The following P3H2 variants were observed in gnomAD, a reference collection of about 807,000 sequenced individuals.
P3H2 encodes the protein prolyl 3-hydroxylase 2.
P3H2 carries 80 observed loss-of-function variants against 87.0 expected under a neutral mutation model. The ratio of observed to expected loss-of-function variants is 0.92; its 90% CI spans 0.77 to 1.11. The LOEUF is 1.11. Ranked by LOEUF, P3H2 falls within the 50% of genes least tolerant of loss-of-function variation. The probability of loss-of-function intolerance (pLI) is 0.00; values close to 1 mark genes in which losing one functional copy is unlikely to be tolerated. For synonymous variants in P3H2, 367 were observed against 359.3 expected, an observed-to-expected ratio of 1.02 and a Z score of -0.24; for missense variants, 1,001 against 923.9, an observed-to-expected ratio of 1.08 and a Z score of -1.08.
At position 189,957,441 on chromosome 3, in the gene P3H2, TTGTGTG is replaced by T. The variant is rs3062107; in HGVS notation, c.*465_*470del. On this transcript the variant is annotated 3_prime_UTR_variant, in exon 15 of 15. Coordinates refer to ENST00000319332, the MANE Select transcript of P3H2 (RefSeq NM_018192.4). ...AGCTTTTGAATTTGCAGCAACTTAA[TTGTGTG>T]TGTGTGTGTGTGTGTGTGTGTGTGT... 98,296 of 256,940 alleles carry T rather than the reference TTGTGTG, an allele frequency of 0.38. 15,405 individuals carry two copies. The highest frequency in any genetic ancestry group is 0.43 in the Non-Finnish European group (60,202 of 140,116). The allele number at this position is 256,940 out of a possible 1,614,324, so 15.9% of individuals were successfully genotyped here.
At chr3:190,009,444 C>T (rs1671051099) in intron 1 of P3H2, among the ~76,000 whole-genome samples, 1 of 152,160 alleles carries the variant, frequency 6.6e-6, no homozygotes, top group South Asian at 2.1e-4. Flanking sequence ...GTATACCCTA[C>T]TCCTTCCAAC....
At position 190,024,745 on chromosome 3, in the gene P3H2, C is replaced by A. The variant is rs188116993; in HGVS notation, c.481-29303G>T. 2.8e-3 allele frequency among the ~76,000 whole-genome samples: 419 copies of A among 151,806 alleles called. 1 individual carries two copies. Among genetic ancestry groups the A allele is most frequent in the South Asian group, 0.018 (86 of 4,794 alleles). ...GCTAGCAGAAGAAAACTCTATCGTC[C>A]CCAATATAAAAGAAAGACTGAGAAT... is the stretch of plus-strand genomic sequence containing the variant. On this transcript the variant is annotated intron_variant, in intron 1 of 14. Transcript: ENST00000319332.
At chr3:189,985,435 T>A (rs1560348885) in intron 6 of P3H2, among the ~76,000 whole-genome samples, 1 of 151,684 alleles carries the variant, frequency 6.6e-6, no homozygotes, top group East Asian at 1.9e-4. Context: ...TGTGGTAAAA[T>A]GGTACTTTTA....
chr3:190,017,386 C>CA (rs1473327476), intron 1 of P3H2, among the ~76,000 whole-genome samples: 1 of 152,014 alleles, frequency 6.6e-6, no homozygotes, highest in East Asian at 1.9e-4. Context: ...AATCATCCCC[C>CA]AAAAAATATT....
intron 8 of P3H2, among the ~76,000 whole-genome samples, chr3:189,981,754 C>T (rs1452166404): frequency 6.6e-6 from 1 of 152,208 alleles, no homozygotes; most frequent in Non-Finnish European, 1.5e-5. Flanking sequence ...CAAACATTTA[C>T]AGCAATGTGT....
chr3:190,009,847 G>A (rs1724532429), intron 1 of P3H2, among the ~76,000 whole-genome samples: 1 of 152,184 alleles, frequency 6.6e-6, no homozygotes, highest in African/African-American at 2.4e-5. Flanking sequence ...GTGAAGCAGA[G>A]AGATTCTGTT....
intron 1 of P3H2, among the ~76,000 whole-genome samples, chr3:190,046,128 A>C (rs1206969816): frequency 1.3e-5 from 2 of 151,768 alleles, no homozygotes; most frequent in Non-Finnish European, 2.9e-5. Flanking sequence ...ATCTCAAAAA[A>C]AAAAAAAAAA....
At chr3:189,963,506 G>GT in intron 14 of P3H2, 2 of 186,820 alleles carry the variant, frequency 1.1e-5, no homozygotes, top group South Asian at 1.1e-4. Context: ...GTGCAGTGGT[G>GT]CGATCTCGGC....
At chr3:190,109,056 T>C (rs762504735) in intron 1 of P3H2, among the ~76,000 whole-genome samples, 16 of 152,232 alleles carry the variant, frequency 1.1e-4, no homozygotes, top group Non-Finnish European at 2.1e-4. Context: ...TGCTTCCCAA[T>C]TACTAATTAT....
At chr3:190,035,211 A>C (rs1452454960) in intron 1 of P3H2, among the ~76,000 whole-genome samples, 1 of 151,884 alleles carries the variant, frequency 6.6e-6, no homozygotes, top group Non-Finnish European at 1.5e-5. Context: ...CTTCCTTGGC[A>C]ACTAGGAATA....
chr3:190,042,787 CAGG>C (rs973677209), intron 1 of P3H2, among the ~76,000 whole-genome samples: 21 of 152,114 alleles, frequency 1.4e-4, no homozygotes, highest in African/African-American at 5.1e-4. Flanking sequence ...AAACAAGAGT[CAGG>C]AGAAGGCAGT....
rs548279675 is a variant in P3H2 at position 190,045,918 on chromosome 3, G to A, written c.481-50476C>T. On this transcript the variant is annotated intron_variant, in intron 1 of 14. Coordinates refer to ENST00000319332, the MANE Select transcript of P3H2 (RefSeq NM_018192.4). Reference sequence around the variant, plus strand: ...GGGCAGATCACGAGGTCAGGAGATCGAGACCATCCTGGCTAACATGGTGAA... The same window carrying A: ...GGGCAGATCACGAGGTCAGGAGATCAAGACCATCCTGGCTAACATGGTGAA... 3.9e-5 allele frequency among the ~76,000 whole-genome samples: 6 copies of A among 152,162 alleles called. No homozygotes were observed. The East Asian group carries it at 7.7e-4, about 20-fold the overall frequency.
Position 189,985,210 on chromosome 3 carries a change from T to C in P3H2, c.1189-620A>G, listed in dbSNP as rs115511663. On this transcript the variant is annotated intron_variant, in intron 6 of 14. Transcript: ENST00000319332. Reference sequence around the variant, plus strand: ...ATAATTTTATAAATGTATTAACTTGTATATCATTTGAAGAACTTACATAGT... The same window carrying C: ...ATAATTTTATAAATGTATTAACTTGCATATCATTTGAAGAACTTACATAGT... Among the ~76,000 whole-genome samples the C allele has an allele frequency of 8.0e-3, 1,215 of 152,118 alleles. 14 individuals carry two copies. Among genetic ancestry groups the C allele is most frequent in the African/African-American group, 0.028 (1,179 of 41,570 alleles).
intron 1 of P3H2, among the ~76,000 whole-genome samples, chr3:190,008,463 T>A (rs1724464307): frequency 6.6e-6 from 1 of 152,188 alleles, no homozygotes; most frequent in Admixed American, 6.5e-5. Flanking sequence ...AGAGACTGGC[T>A]TGAATTGAAC....
intron 1 of P3H2, among the ~76,000 whole-genome samples, chr3:190,044,714 A>G (rs2108956939): frequency 6.6e-6 from 1 of 152,316 alleles, no homozygotes; most frequent in East Asian, 1.9e-4. Context: ...CATATGGAGG[A>G]GTGATTGATT....
chr3:189,966,132 AAAGAAAG>A (rs2108904644), intron 13 of P3H2, among the ~76,000 whole-genome samples: 1 of 49,402 alleles, frequency 2.0e-5, no homozygotes, highest in African/African-American at 6.4e-5. Context: ...AAAAAGAAAG[AAAGAAAG>A]AAAGAAAGAA....
chr3:190,096,999 C>T (rs1727608799), intron 1 of P3H2, among the ~76,000 whole-genome samples: 1 of 152,198 alleles, frequency 6.6e-6, no homozygotes, highest in Non-Finnish European at 1.5e-5. Context: ...GGCAAGAGCA[C>T]TGGCCTTGGA....
chr3:190,082,968 A>G (rs912902511), intron 1 of P3H2, among the ~76,000 whole-genome samples: 2 of 152,236 alleles, frequency 1.3e-5, no homozygotes, highest in African/African-American at 2.4e-5. Context: ...AAGGAACATA[A>G]TACTCCAAGA....
intron 1 of P3H2, among the ~76,000 whole-genome samples, chr3:190,038,276 C>T (rs1407346246): frequency 6.7e-6 from 1 of 148,568 alleles, no homozygotes; most frequent in Non-Finnish European, 1.5e-5. Context: ...ACAAGGAAAC[C>T]TGATTGGCTG....
Sources: allele counts gnomAD v4.1 joint callset (sites outside exome capture counted in the v4.1 genomes callset), GRCh38; gene constraint gnomAD v4.1.1; transcripts MANE v1.5; gene names NCBI Gene and HGNC (gene_info 2026-07-23, HGNC 2026-07-21).